NUP160: variants seen among roughly 807,000 people sequenced by gnomAD.
NUP160 encodes the protein nucleoporin 160.
A neutral mutation model predicts 196.9 loss-of-function variants in NUP160; 94 were observed. The ratio of observed to expected loss-of-function variants is 0.48; its 90% CI spans 0.40 to 0.57. NUP160 has a LOEUF of 0.57. NUP160 is among the 20% of genes least tolerant of loss of function. NUP160 has a pLI of 0.00. For synonymous variants in NUP160, 605 were observed against 619.7 expected, an observed-to-expected ratio of 0.98 and a Z score of 0.35; for missense variants, 1,638 against 1,748.3, an observed-to-expected ratio of 0.94 and a Z score of 1.13.
intron 7 of NUP160, among the ~76,000 whole-genome samples, chr11:47,831,038 C>T (rs1238047672): frequency 6.6e-6 from 1 of 152,148 alleles, no homozygotes; most frequent in Non-Finnish European, 1.5e-5. Flanking sequence ...TGGCGTGAGC[C>T]TGTAATCCCA....
At chr11:47,837,262 CTAA>C (rs1852195491) in intron 5 of NUP160, among the ~76,000 whole-genome samples, 2 of 152,080 alleles carry the variant, frequency 1.3e-5, no homozygotes, top group Admixed American at 1.3e-4. Flanking sequence ...CTTTCTATTT[CTAA>C]TAATTTTACA....
At chr11:47,848,104 G>C in intron 1 of NUP160, 115 bp downstream of exon 1, 1 of 1,339,212 alleles carries the variant, frequency 7.5e-7, no homozygotes, top group South Asian at 1.2e-5. Context: ...CTCTGATCCC[G>C]GGGCTAGAGG....
At chr11:47,817,581 G>A (rs766718668) in intron 11 of NUP160, among the ~76,000 whole-genome samples, 6 of 151,068 alleles carry the variant, frequency 4.0e-5, no homozygotes, top group Non-Finnish European at 4.4e-5. Context: ...TCTTGACCCC[G>A]TGATCCATCT....
chr11:47,810,079 A>C (rs2097680250), intron 17 of NUP160, among the ~76,000 whole-genome samples: 1 of 152,146 alleles, frequency 6.6e-6, no homozygotes, highest in Non-Finnish European at 1.5e-5. Context: ...AAAAACCTGA[A>C]AAAAATGGAA....
At chr11:47,846,783 T>C (rs112961302) in intron 2 of NUP160, among the ~76,000 whole-genome samples, 235 of 152,310 alleles carry the variant, frequency 1.5e-3, no homozygotes, top group African/African-American at 5.3e-3. Flanking sequence ...CAGGGGTACA[T>C]GTGCAGGTTT....
At chr11:47,813,447 G>A in intron 13 of NUP160, 32 bp from the exon 14 acceptor site, 1 of 1,444,356 alleles carries the variant, frequency 6.9e-7, no homozygotes, top group Non-Finnish European at 9.7e-7. Flanking sequence ...TTACATTTTT[G>A]TCAGTAAAAT....
At chr11:47,804,934 C>G (rs2135366336) in intron 20 of NUP160, among the ~76,000 whole-genome samples, 1 of 152,120 alleles carries the variant, frequency 6.6e-6, no homozygotes, top group East Asian at 1.9e-4. Context: ...CCCAGGAAAT[C>G]AAGACCAGCC....
chr11:47,843,562 G>A (rs1852346203), intron 2 of NUP160, among the ~76,000 whole-genome samples: 1 of 152,134 alleles, frequency 6.6e-6, no homozygotes. Flanking sequence ...AACTGGGGGC[G>A]ATTCTTCCTC....
chr11:47,804,760 A>T, intron 20 of NUP160, 142 bp from the exon 21 acceptor site: 1 of 566,372 alleles, frequency 1.8e-6, no homozygotes, highest in East Asian at 3.3e-5. Context: ...ATGTTCTTTC[A>T]TCATCACTAG....
At chr11:47,819,586 T>A (rs1229076545) in intron 9 of NUP160, 128 bp from the exon 10 acceptor site, 1 of 509,524 alleles carries the variant, frequency 2.0e-6, no homozygotes, top group South Asian at 3.8e-5. Flanking sequence ...ATCAATTCTA[T>A]TAAAAACATT....
intron 30 of NUP160, 35 bp downstream of exon 30, chr11:47,788,466 G>C: frequency 1.3e-6 from 2 of 1,581,364 alleles, no homozygotes; most frequent in South Asian, 2.2e-5. Context: ...TCGTGGTGCT[G>C]ACAAGTCAGA....
intron 2 of NUP160, chr11:47,841,699 G>GT (rs995613083): frequency 9.4e-3 from 2,609 of 276,228 alleles, no homozygotes; most frequent in South Asian, 0.025. Context: ...TTGTTTGTTT[G>GT]TTTTTTTTTT....
At chr11:47,816,100 G>T in intron 11 of NUP160, 71 bp from the exon 12 acceptor site, 2 of 1,020,938 alleles carry the variant, frequency 2.0e-6, no homozygotes, top group Non-Finnish European at 3.1e-6. Flanking sequence ...CAGTTTAGAA[G>T]ACATAGAGGC....
Position 47,843,227 on chromosome 11 carries a change from A to C in NUP160, c.315-2639T>G, listed in dbSNP as rs560981888. ...CTTGGAAGGGCTATTCTATACTCAC[A>C]ATTCCTCTCCTCCCTTTCCCTCTTG... On this transcript the variant is annotated intron_variant, in intron 2 of 35. Coordinates refer to ENST00000378460, the Ensembl canonical transcript of NUP160. Among the ~76,000 whole-genome samples the C allele has an allele frequency of 1.6e-4, 25 of 152,134 alleles. No homozygotes were observed. In the South Asian group the frequency reaches 2.9e-3, roughly 18 times the overall value.
upstream of NUP160, chr11:47,848,508 G>A (rs1302028495): frequency 1.9e-6 from 2 of 1,053,238 alleles, no homozygotes; most frequent in East Asian, 5.2e-5. Context: ...CAGAAGAGAA[G>A]GGGGCAGGGG....
At chr11:47,848,270 C>T in exon 1 of NUP160, 2 of 1,614,190 alleles carry the variant, frequency 1.2e-6, no homozygotes, top group African/African-American at 2.7e-5. Flanking sequence ...TCGCGCTCAG[C>T]TCCGCTTAGC....
In NUP160 at chr11:47,812,432, A is replaced by C. The variant is rs564545037; in HGVS notation, c.1953-3T>G. ...AAATATCCTCCATCACATTTTCTCT[A>C]TAAGGACAATTACAAAACTCTTATT... On this transcript the variant is annotated splice_polypyrimidine_tract_variant and splice_region_variant and intron_variant, in intron 15 of 35. Coordinates refer to ENST00000378460, the Ensembl canonical transcript of NUP160. 4 of 1,611,560 alleles carry C rather than the reference A, an allele frequency of 2.5e-6. No homozygotes were observed. The Admixed American group carries it at 5.0e-5, about 20-fold the overall frequency.
chr11:47,803,466 C>T, exon 22 of NUP160: 1 of 1,609,828 alleles, frequency 6.2e-7, no homozygotes, highest in Non-Finnish European at 8.5e-7. Flanking sequence ...AACTAGGTAA[C>T]ACCTTCCCAG....
chr11:47,786,271 T>C (rs2135343999), intron 32 of NUP160, among the ~76,000 whole-genome samples, 182 bp downstream of exon 32: 1 of 152,272 alleles, frequency 6.6e-6, no homozygotes, highest in South Asian at 2.1e-4. Flanking sequence ...GGCAAAGACA[T>C]CCTAGTTTGG....
Sources: gnomAD v4.1 joint callset for allele counts (sites outside exome capture counted in the v4.1 genomes callset) on GRCh38, gnomAD v4.1.1 for gene constraint, MANE v1.5 for transcripts, NCBI Gene and HGNC (gene_info 2026-07-23, HGNC 2026-07-21) for gene names.